Variants in TPD52 observed in about 807,000 individuals in gnomAD.
TPD52 encodes the protein prostate and colon associated protein.
Under a neutral mutation model 31.3 loss-of-function variants are expected in TPD52, and 17 were observed. The ratio of observed to expected loss-of-function variants is 0.54; its 90% confidence interval spans 0.37 to 0.82. TPD52 has a LOEUF of 0.82. Among genes scored for constraint, TPD52 ranks in the 40% least tolerant of loss-of-function variants. TPD52 has a pLI of 0.00. For missense variants in TPD52, 212 were observed against 240.1 expected, an observed-to-expected ratio of 0.88 and a Z score of 0.77; for synonymous variants, 83 against 89.6, an observed-to-expected ratio of 0.93 and a Z score of 0.42.
chr8:80,047,956 C>T (rs796069500), intron 5 of TPD52, among the ~76,000 whole-genome samples: 1 of 152,158 alleles, frequency 6.6e-6, no homozygotes, highest in South Asian at 2.1e-4. Context: ...TTTAATAACA[C>T]TAAAATTTTA....
chr8:80,167,021 T>C (rs1811762498), intron 1 of TPD52, among the ~76,000 whole-genome samples: 1 of 152,234 alleles, frequency 6.6e-6, no homozygotes, highest in Admixed American at 6.5e-5. Context: ...ATTTTCTTTT[T>C]TCTCCATCAA....
intron 5 of TPD52, among the ~76,000 whole-genome samples, chr8:80,045,767 T>C (rs548641248): frequency 4.9e-4 from 75 of 152,354 alleles, no homozygotes; most frequent in African/African-American, 1.7e-3. Flanking sequence ...TGCTTTCTTT[T>C]CTCTCCTTGA....
intron 3 of TPD52, 105 bp downstream of exon 3, chr8:80,053,177 A>C (rs1167129057): frequency 3.1e-6 from 4 of 1,287,044 alleles, no homozygotes; most frequent in Non-Finnish European, 4.2e-6. Context: ...GTCCAAAGAA[A>C]AGCTGCTGAA....
intron 1 of TPD52, among the ~76,000 whole-genome samples, chr8:80,128,618 G>A (rs576590866): frequency 3.0e-4 from 46 of 151,370 alleles, no homozygotes; most frequent in Admixed American, 9.2e-4. Flanking sequence ...CTATTATCAC[G>A]CCACCACACT....
downstream of TPD52, among the ~76,000 whole-genome samples, chr8:80,031,400 A>C (rs535640490): frequency 3.3e-4 from 50 of 152,244 alleles, no homozygotes; most frequent in Non-Finnish European, 4.7e-4. Flanking sequence ...AATTCATTAA[A>C]TTCTCCAGGT....
At chr8:80,161,728 A>T (rs1343477673) in intron 1 of TPD52, among the ~76,000 whole-genome samples, 5 of 122,068 alleles carry the variant, frequency 4.1e-5, no homozygotes, top group African/African-American at 2.2e-4. Context: ...ATATATATAT[A>T]TATATTTTTT....
intron 1 of TPD52, chr8:80,080,821 A>G: frequency 1.1e-6 from 1 of 920,716 alleles, no homozygotes; most frequent in Non-Finnish European, 1.3e-6. Flanking sequence ...TCAGGCAAAC[A>G]TCAGACACTG....
chr8:80,118,961 A>T (rs1808057797), intron 1 of TPD52, among the ~76,000 whole-genome samples: 1 of 152,258 alleles, frequency 6.6e-6, no homozygotes, highest in African/African-American at 2.4e-5. Flanking sequence ...TGTACAAAAA[A>T]ACATGCACAA....
intron 1 of TPD52, among the ~76,000 whole-genome samples, chr8:80,089,628 C>G (rs1189688352): frequency 6.6e-6 from 1 of 152,094 alleles, no homozygotes; most frequent in Non-Finnish European, 1.5e-5. Context: ...AGCATGCAGG[C>G]CAAAGAGCCT....
At chr8:80,165,930 A>C (rs933718697) in intron 1 of TPD52, among the ~76,000 whole-genome samples, 2 of 152,204 alleles carry the variant, frequency 1.3e-5, no homozygotes, top group African/African-American at 4.8e-5. Context: ...CAAAATGTAA[A>C]TGTTCATCAA....
rs761244726 is a variant in TPD52, at chr8:80,035,560, G to C, written c.*2556C>G. ...TCCAATACTATACAAAAAATAGACT[G>C]TGCATATCTTAACAGATCCAGATCC... On this transcript the variant is annotated 3_prime_UTR_variant, in exon 8 of 8. Coordinates refer to ENST00000518937, the MANE Select transcript of TPD52 (RefSeq NM_001025253.3). 5.3e-5 allele frequency: 8 copies of C among 152,284 alleles called. No homozygotes were observed. Among genetic ancestry groups the C allele is most frequent in the Non-Finnish European group, 8.8e-5 (6 of 68,016 alleles). The allele number at this position is 152,284 out of a possible 1,614,324, so 9.4% of individuals were successfully genotyped here.
At chr8:80,129,285 A>G (rs1411551119) in intron 1 of TPD52, among the ~76,000 whole-genome samples, 1 of 152,216 alleles carries the variant, frequency 6.6e-6, no homozygotes, top group Admixed American at 6.5e-5. Context: ...GTATTGAACA[A>G]ATGTTTAATT....
At chr8:80,086,675 A>G in intron 1 of TPD52, among the ~76,000 whole-genome samples, 2 of 151,848 alleles carry the variant, frequency 1.3e-5, no homozygotes, top group South Asian at 4.2e-4. Flanking sequence ...AGAGTTCGAG[A>G]CCAGCCTGGC....
At chr8:80,097,801 C>T (rs1806441998) in intron 1 of TPD52, among the ~76,000 whole-genome samples, 1 of 152,222 alleles carries the variant, frequency 6.6e-6, no homozygotes, top group Non-Finnish European at 1.5e-5. Context: ...GTAAATGAAA[C>T]AGCCTTTTAT....
At chr8:80,075,517 G>A (rs188775870) in intron 1 of TPD52, among the ~76,000 whole-genome samples, 2 of 152,244 alleles carry the variant, frequency 1.3e-5, no homozygotes, top group African/African-American at 2.4e-5. Flanking sequence ...GTAAAACACA[G>A]TATTTTCAAA....
At chr8:80,100,850 C>T (rs1347683628) in intron 1 of TPD52, among the ~76,000 whole-genome samples, 2 of 152,192 alleles carry the variant, frequency 1.3e-5, no homozygotes, top group Non-Finnish European at 2.9e-5. Context: ...TGAGGCCCAT[C>T]CACATTCGGA....
intron 2 of TPD52, among the ~76,000 whole-genome samples, chr8:80,054,840 G>A (rs1811710220): frequency 6.6e-6 from 1 of 152,072 alleles, no homozygotes; most frequent in African/African-American, 2.4e-5. Flanking sequence ...AATCCCCTGT[G>A]CTTGTCAGAG....
intron 1 of TPD52, among the ~76,000 whole-genome samples, chr8:80,096,983 C>T (rs1816791367): frequency 1.3e-5 from 2 of 152,222 alleles, no homozygotes; most frequent in Admixed American, 1.3e-4. Flanking sequence ...AACCAGACCG[C>T]CTGCACCTGC....
intron 1 of TPD52, among the ~76,000 whole-genome samples, chr8:80,072,754 C>T (rs1013862037): frequency 1.4e-4 from 21 of 149,900 alleles, no homozygotes; most frequent in Admixed American, 1.3e-4. Context: ...CACATATATA[C>T]ATATATACAC....
Sources: gnomAD v4.1 joint callset for allele counts (sites outside exome capture counted in the v4.1 genomes callset) on GRCh38, gnomAD v4.1.1 for gene constraint, MANE v1.5 for transcripts, NCBI Gene and HGNC (gene_info 2026-07-23, HGNC 2026-07-21) for gene names.